Variants in RBCK1 observed in about 807,000 individuals in gnomAD.
The protein encoded by RBCK1 is ranBP-type and C3HC4-type zinc finger-containing protein 1.
In RBCK1, 44 loss-of-function variants were observed where a neutral mutation model predicts 71.1. That is an observed-to-expected ratio of 0.62 (90% confidence interval 0.49 to 0.80). The LOEUF is 0.80. Among genes scored for constraint, RBCK1 ranks in the 30% least tolerant of loss-of-function variants. RBCK1 has a pLI of 0.00. For synonymous variants in RBCK1, 306 were observed against 279.7 expected (o/e 1.09, Z -0.94); for missense variants, 569 against 685.0 (o/e 0.83, Z 1.89).
At chr20:424,887 A>C (rs904705332) in intron 8 of RBCK1, among the ~76,000 whole-genome samples, 1 of 152,226 alleles carries the variant, frequency 6.6e-6, no homozygotes, top group Admixed American at 6.5e-5. Flanking sequence ...GTTTTTACAA[A>C]AACAGAAAAA....
intron 11 of RBCK1, 112 bp downstream of exon 11, chr20:429,206 G>T (rs1267737704): frequency 7.2e-7 from 1 of 1,382,382 alleles, no homozygotes; most frequent in African/African-American, 1.5e-5. Flanking sequence ...ACCTGAATTT[G>T]TACAGCTCCC....
At chr20:413,616 C>A (rs570968202) in intron 2 of RBCK1, among the ~76,000 whole-genome samples, 1 of 152,210 alleles carries the variant, frequency 6.6e-6, no homozygotes, top group Admixed American at 6.5e-5. Context: ...TGTCAGCCAC[C>A]ATCTTGCTAC....
At chr20:426,325 G>A (rs116638933) in intron 8 of RBCK1, among the ~76,000 whole-genome samples, 7,713 of 152,048 alleles carry the variant, frequency 0.051, 245 homozygotes, top group East Asian at 0.11. Flanking sequence ...GTACCAATTT[G>A]CCATCCCCAC....
intron 2 of RBCK1, among the ~76,000 whole-genome samples, chr20:412,950 G>C (rs1379952706): frequency 6.6e-6 from 1 of 152,094 alleles, no homozygotes; most frequent in African/African-American, 2.4e-5. Context: ...GGTCCATTTT[G>C]ATTTAATTTT....
At position 428,468 on chromosome 20, in the gene RBCK1, C is replaced by T. The variant is rs368582438; in HGVS notation, c.1210-23C>T. On this transcript the variant is annotated intron_variant, in intron 9 of 11. Transcript: ENST00000356286. This position sits in a 1 kb window ranked among gnomAD's most constrained non-coding sequence, Gnocchi z 5.7. ...TTAACCCCCTGAGGAACCTTCTTAC[C>T]TTGAGTCCCTCACCCGCTACAGGCC... 7 of 1,561,284 alleles carry T rather than the reference C, an allele frequency of 4.5e-6. No individual in the cohort carries two copies. In the South Asian group the frequency reaches 8.3e-5, roughly 18 times the overall value.
At chr20:414,950 T>C (rs1007470853) in intron 2 of RBCK1, among the ~76,000 whole-genome samples, 11 of 152,246 alleles carry the variant, frequency 7.2e-5, no homozygotes, top group Non-Finnish European at 1.3e-4. Context: ...TATTTTGCTC[T>C]GTCAATTCAT....
chr20:417,466 CG>C lies in RBCK1; in HGVS notation c.168-58del. On this transcript the variant is annotated intron_variant, in intron 2 of 11. Transcript: ENST00000356286. The surrounding 1 kb of genome is among the most constrained non-coding windows in gnomAD (Gnocchi z 4.7). The stretch of plus-strand genomic sequence containing the variant: ...GTGCAAATATGTACATGTCTGTAGC[CG>C]GTGGCTGAGGCTGGACCCCTGGCCA... 7.0e-7 allele frequency: 1 copy of C among 1,436,416 alleles called. No individual in the cohort carries two copies. The highest frequency in any genetic ancestry group is 1.7e-5 in the Admixed American group (1 of 59,706). 89.0% of individuals were successfully genotyped at this position (1,436,416 alleles called of 1,614,324 possible).
At position 428,874 on chromosome 20, in the gene RBCK1, T is replaced by C; in HGVS notation, c.1309-77T>C. On this transcript the variant is annotated intron_variant, in intron 10 of 11. Transcript: ENST00000356286. This position sits in a 1 kb window ranked among gnomAD's most constrained non-coding sequence, Gnocchi z 5.7. ...CCACAGCTCTAGAGGGTCACCACCT[T>C]CTCCCTGCCATGGGGAGGGGCCAGG... 6.6e-7 allele frequency: 1 copy of C among 1,503,792 alleles called. No individual in the cohort carries two copies. Among genetic ancestry groups the C allele is most frequent in the Non-Finnish European group, 8.8e-7 (1 of 1,134,716 alleles). 93.2% of individuals were successfully genotyped at this position (1,503,792 alleles called of 1,614,324 possible).
Position 424,185 on chromosome 20 carries a change from G to A in RBCK1, c.1029+1947G>A, listed in dbSNP as rs1448135140. Among the ~76,000 whole-genome samples, 4 of 152,308 alleles carry A rather than the reference G, an allele frequency of 2.6e-5. No individual in the cohort carries two copies. The South Asian group carries it at 6.2e-4, about 24-fold the overall frequency. ...GCATACGTGTGTGCTTGCCGCTGGCGCTCTTCATGAATTCGTTAGCAGGTT... is the reference window on the plus strand; with the variant it reads ...GCATACGTGTGTGCTTGCCGCTGGCACTCTTCATGAATTCGTTAGCAGGTT... On this transcript the variant is annotated intron_variant, in intron 8 of 11. Coordinates refer to ENST00000356286, the MANE Select transcript of RBCK1 (RefSeq NM_031229.4).
intron 2 of RBCK1, among the ~76,000 whole-genome samples, chr20:411,956 A>C (rs188867784): frequency 3.3e-5 from 5 of 152,334 alleles, no homozygotes; most frequent in East Asian, 3.9e-4. Context: ...ATTTGTGTCC[A>C]ACTTTTTGTG....
intron 9 of RBCK1, 69 bp downstream of exon 9, chr20:427,561 C>T (rs766974386): frequency 2.9e-5 from 44 of 1,525,048 alleles, no homozygotes; most frequent in South Asian, 1.1e-4. Context: ...CACTGCAGTG[C>T]GTGTTCTCCT....
Position 420,101 on chromosome 20 carries a change from C to A in RBCK1, c.756+370C>A, listed in dbSNP as rs528768828. The A allele has an allele frequency of 2.9e-5, 29 of 984,658 alleles. No individual in the cohort carries two copies. In the South Asian group the frequency reaches 1.2e-3, roughly 41 times the overall value. 61.0% of individuals were successfully genotyped at this position (984,658 alleles called of 1,614,324 possible). ...GCCATGACCACACCTCAGCTCGGAC[C>A]TCACCCCCACCCGTCTGTGACCTAA... On this transcript the variant is annotated intron_variant, in intron 6 of 11. Transcript: ENST00000356286.
At chr20:416,343 G>A (rs1203427843) in intron 2 of RBCK1, among the ~76,000 whole-genome samples, 2 of 151,496 alleles carry the variant, frequency 1.3e-5, no homozygotes, top group African/African-American at 2.4e-5. Context: ...TGTATTTTTA[G>A]TAGAGACGGG....
chr20:424,934 G>A (rs74271564), intron 8 of RBCK1, among the ~76,000 whole-genome samples: 10,286 of 152,066 alleles, frequency 0.068, 766 homozygotes, highest in African/African-American at 0.18. Context: ...AGAAATCAGA[G>A]AGAAAATCAC....
intron 2 of RBCK1, among the ~76,000 whole-genome samples, chr20:411,360 C>G (rs969861210): frequency 1.3e-5 from 2 of 152,076 alleles, no homozygotes; most frequent in Non-Finnish European, 2.9e-5. Context: ...TGTACCACCA[C>G]ACCCGGCTAA....
chr20:414,784 G>T (rs1188279789), intron 2 of RBCK1, among the ~76,000 whole-genome samples: 1 of 152,082 alleles, frequency 6.6e-6, no homozygotes, highest in Admixed American at 6.6e-5. Context: ...AACCCTTATT[G>T]CTGGAAGAAC....
chr20:419,628 G>A lies in RBCK1; in HGVS notation c.653G>A (p.Arg218Gln), dbSNP rs764357407. Reference protein sequence around the residue: ...PTRPGCEMCCRARPEAYQVPA... With the variant: ...PTRPGCEMCCQARPEAYQVPA... ...CGGCCTGGCTGTGAGATGTGCTGCC[G>A]GGCGCGCCCCGAGGCCTACCAGGTC... The change falls in exon 6 of 12, where the codon CGG (arginine) becomes CAG (glutamine). Residue 218 changes from arginine to glutamine, a missense_variant. This residue lies in a region of RBCK1 where 358 missense variants were observed against 375.6 expected (regional missense o/e 0.95). Transcript: ENST00000356286. The A allele has an allele frequency of 3.8e-6, 6 of 1,591,954 alleles. No individual in the cohort carries two copies. The highest frequency in any genetic ancestry group is 2.3e-5 in the South Asian group (2 of 88,548).
In RBCK1 at chr20:428,992, C is replaced by A. The variant is rs2016879892; in HGVS notation, c.1350C>A (p.Cys450Ter). 6.2e-7 allele frequency: 1 copy of A among 1,611,572 alleles called. No homozygotes were observed. Among genetic ancestry groups the A allele is most frequent in the Non-Finnish European group, 8.5e-7 (1 of 1,179,908 alleles). The change falls in exon 11 of 12, where the codon TGC becomes TGA. Residue 450 changes from cysteine to a stop codon, truncating the protein, a stop_gained. Coordinates refer to ENST00000356286, the MANE Select transcript of RBCK1 (RefSeq NM_031229.4). LOFTEE classifies it high-confidence loss of function. This position sits in a 1 kb window ranked among gnomAD's most constrained non-coding sequence, Gnocchi z 5.7. ...QQGEAMRCPQ[C>*]QIVVQKKDGC... is the part of the protein sequence containing the mutation. The stretch of plus-strand genomic sequence containing the variant: ...GCGAGGCCATGCGCTGCCCCCAGTG[C>A]CAGATCGTGGTACAGAAGAAGGACG...
At chr20:420,486 C>T (rs1257598605) in intron 6 of RBCK1, 3 of 984,472 alleles carry the variant, frequency 3.0e-6, no homozygotes, top group Middle Eastern at 5.2e-4. Flanking sequence ...CAGCCCTGGC[C>T]CGGGCCCTGC....
Sources: allele counts gnomAD v4.1 joint callset (sites outside exome capture counted in the v4.1 genomes callset), GRCh38; gene constraint gnomAD v4.1.1; regional missense constraint gnomAD v4.1.1; non-coding constraint Gnocchi (gnomAD v3.1); transcripts MANE v1.5; gene names NCBI Gene and HGNC (gene_info 2026-07-23, HGNC 2026-07-21).